CHODL: variants seen among roughly 807,000 people sequenced by gnomAD.
CHODL encodes chondrolectin, also known as transmembrane protein MT75.
Under a neutral mutation model 34.5 loss-of-function variants are expected in CHODL, and 29 were observed. That is an observed-to-expected ratio of 0.84 (90% CI 0.63 to 1.15). The LOEUF (loss-of-function observed/expected upper bound fraction) is 1.15. CHODL is among the 50% of genes most tolerant of loss of function. The probability of loss-of-function intolerance (pLI) is 0.00; values close to 1 mark genes in which losing one functional copy is unlikely to be tolerated. For synonymous variants in CHODL, 125 were observed against 116.1 expected (o/e 1.08, Z -0.49); for missense variants, 332 against 332.5 (o/e 1.00, Z 0.01).
intron 2 of CHODL, among the ~76,000 whole-genome samples, chr21:18,136,719 C>CAT (rs147280660): frequency 0.11 from 12,480 of 118,044 alleles, 756 homozygotes; most frequent in Non-Finnish European, 0.15. Context: ...TAAATCAAAG[C>CAT]ATATATATAT....
rs528790965 is a variant in CHODL, at chr21:18,127,820, C to G, written c.-45+99849C>G. ...ACTGCAGTTGAGGTGCCAGTCAGGCCTGGCTCTCATCTATCTTGGTCAGTG... is the reference window on the plus strand; with the variant it reads ...ACTGCAGTTGAGGTGCCAGTCAGGCGTGGCTCTCATCTATCTTGGTCAGTG... On this transcript the variant is annotated intron_variant, in intron 2 of 6. Transcript: ENST00000400127. 6.6e-4 allele frequency among the ~76,000 whole-genome samples: 100 copies of G among 151,806 alleles called. 1 individual carries two copies. The highest frequency in any genetic ancestry group is 2.3e-3 in the African/African-American group (97 of 41,384).
chr21:18,135,554 C>A (rs1346226591), intron 2 of CHODL, among the ~76,000 whole-genome samples: 1 of 152,108 alleles, frequency 6.6e-6, no homozygotes. Context: ...TCTGGTCAAT[C>A]CCTTCTCCTA....
intron 1 of CHODL, among the ~76,000 whole-genome samples, chr21:17,939,395 A>T (rs901239329): frequency 6.6e-6 from 1 of 152,228 alleles, no homozygotes; most frequent in Non-Finnish European, 1.5e-5. Context: ...CCATGTTGTC[A>T]CATATTGCTG....
intron 2 of CHODL, among the ~76,000 whole-genome samples, chr21:18,057,005 A>C (rs2064590389): frequency 1.3e-5 from 2 of 152,060 alleles, no homozygotes; most frequent in African/African-American, 2.4e-5. Context: ...ATAGGTAGGG[A>C]CTGCAATGTA....
intron 2 of CHODL, among the ~76,000 whole-genome samples, chr21:18,120,910 A>C (rs1388319359): frequency 6.6e-6 from 1 of 152,074 alleles, no homozygotes; most frequent in East Asian, 1.9e-4. Flanking sequence ...TACAAATCCT[A>C]CATTTTTTCA....
intron 2 of CHODL, among the ~76,000 whole-genome samples, chr21:18,135,164 GT>G (rs1394053634): frequency 1.3e-5 from 2 of 152,132 alleles, no homozygotes; most frequent in African/African-American, 4.8e-5. Flanking sequence ...CCTGATTACA[GT>G]CTTTTATTAT....
intron 2 of CHODL, chr21:18,114,826 G>A (rs1030326119): frequency 6.6e-6 from 1 of 152,256 alleles, no homozygotes; most frequent in Non-Finnish European, 1.5e-5. Flanking sequence ...AGGAACCCCA[G>A]TTGTTCCAGT....
intron 2 of CHODL, among the ~76,000 whole-genome samples, chr21:18,182,104 A>T (rs1271094108): frequency 6.6e-6 from 1 of 152,146 alleles, no homozygotes; most frequent in Non-Finnish European, 1.5e-5. Context: ...ATTGCTGGGT[A>T]ATATGTTCAT....
chr21:18,107,005 A>G (rs1266510064), intron 2 of CHODL, among the ~76,000 whole-genome samples: 1 of 152,216 alleles, frequency 6.6e-6, no homozygotes, highest in African/African-American at 2.4e-5. Context: ...CTAGAGAGCC[A>G]TAACTATTAT....
chr21:18,234,325 C>A (rs2074009259), intron 2 of CHODL, among the ~76,000 whole-genome samples: 1 of 151,996 alleles, frequency 6.6e-6, no homozygotes, highest in Admixed American at 6.6e-5. Context: ...CTTAGGTGTG[C>A]AGGAAATGGA....
intron 2 of CHODL, among the ~76,000 whole-genome samples, chr21:18,116,747 G>T (rs1324808421): frequency 1.3e-5 from 2 of 152,196 alleles, no homozygotes; most frequent in South Asian, 2.1e-4. Flanking sequence ...ATAGAGAAGG[G>T]TGTGGGTGAA....
intron 1 of CHODL, among the ~76,000 whole-genome samples, chr21:17,956,414 G>A (rs1353274109): frequency 2.2e-5 from 3 of 136,542 alleles, no homozygotes; most frequent in Non-Finnish European, 5.0e-5. Context: ...AGAACTGTGA[G>A]CTAATTAAAC....
intron 2 of CHODL, among the ~76,000 whole-genome samples, chr21:18,169,741 T>G (rs2073205026): frequency 1.3e-5 from 2 of 152,068 alleles, no homozygotes; most frequent in Admixed American, 1.3e-4. Flanking sequence ...TATGATCATT[T>G]TTTAGATATC....
At chr21:18,159,945 A>T (rs1315073517) in intron 2 of CHODL, among the ~76,000 whole-genome samples, 2 of 152,198 alleles carry the variant, frequency 1.3e-5, no homozygotes, top group African/African-American at 4.8e-5. Context: ...AAAGGAACAC[A>T]TTTTTGCTAA....
chr21:17,935,425 T>G (rs1386817132), intron 1 of CHODL, among the ~76,000 whole-genome samples: 1 of 152,160 alleles, frequency 6.6e-6, no homozygotes, highest in Non-Finnish European at 1.5e-5. Context: ...ACATATACCT[T>G]CCATTACTCC....
intron 2 of CHODL, among the ~76,000 whole-genome samples, chr21:18,132,808 T>A (rs2072673139): frequency 6.6e-6 from 1 of 152,182 alleles, no homozygotes; most frequent in Admixed American, 6.5e-5. Flanking sequence ...TTTGTTGCAC[T>A]CTCCTTGGCT....
chr21:18,080,971 T>C (rs1448115778), intron 2 of CHODL, among the ~76,000 whole-genome samples: 1 of 152,254 alleles, frequency 6.6e-6, no homozygotes, highest in African/African-American at 2.4e-5. Context: ...TCTATGAGCA[T>C]GGGATGTTTT....
chr21:18,141,231 G>A (rs1361789476), intron 2 of CHODL, among the ~76,000 whole-genome samples: 1 of 151,882 alleles, frequency 6.6e-6, no homozygotes, highest in East Asian at 1.9e-4. Flanking sequence ...ACTTACTGAA[G>A]GTTTATATGC....
At position 18,217,065 on chromosome 21, in the gene CHODL, A is replaced by T. The variant is rs2073836967; in HGVS notation, c.-44-39444A>T. Reference sequence around the variant, plus strand: ...TCGTTAGTCTGTTTATAGACAAGTAATTTAGTTCCATATCTTGGCTTTTGT... The same window carrying T: ...TCGTTAGTCTGTTTATAGACAAGTATTTTAGTTCCATATCTTGGCTTTTGT... On this transcript the variant is annotated intron_variant, in intron 2 of 6. Transcript: ENST00000400127. Among the ~76,000 whole-genome samples, 3 of 152,168 alleles carry T rather than the reference A, an allele frequency of 2.0e-5. No individual in the cohort carries two copies. The South Asian group carries it at 6.2e-4, about 32-fold the overall frequency.
Sources: gnomAD v4.1 joint callset for allele counts (sites outside exome capture counted in the v4.1 genomes callset) on GRCh38, gnomAD v4.1.1 for gene constraint, MANE v1.5 for transcripts, NCBI Gene and HGNC (gene_info 2026-07-23, HGNC 2026-07-21) for gene names.